The following PCDHA3 variants were observed in gnomAD, a reference collection of about 807,000 sequenced individuals.
PCDHA3 encodes the protein protocadherin alpha 3.
In PCDHA3, 41 loss-of-function variants were observed where a neutral mutation model predicts 62.2. The observed-to-expected ratio is 0.66, with a 90% CI of 0.51 to 0.86. PCDHA3 has a LOEUF of 0.86. Among genes scored for constraint, PCDHA3 ranks in the 40% least tolerant of loss-of-function variants. PCDHA3 has a pLI of 0.00. For synonymous variants in PCDHA3, 640 were observed against 555.4 expected (o/e 1.15, Z -2.14); for missense variants, 1,304 against 1,241.2 (o/e 1.05, Z -0.76).
intron 3 of PCDHA3, among the ~76,000 whole-genome samples, chr5:140,988,622 A>G (rs192744779): frequency 6.6e-6 from 1 of 152,242 alleles, no homozygotes; most frequent in East Asian, 1.9e-4. Flanking sequence ...TAGAATGGAG[A>G]TGTCCTGGTT....
intron 1 of PCDHA3, chr5:140,848,493 G>A (rs2150411274): frequency 7.0e-6 from 11 of 1,576,596 alleles, no homozygotes; most frequent in Middle Eastern, 3.4e-4. Context: ...CTGAGTATTT[G>A]AAATGTTATA....
Position 140,924,886 on chromosome 5 carries a change from A to C in PCDHA3, c.2395-54063A>C, listed in dbSNP as rs190850675. ...CTCCAGCCTGGGTGACAGAGCAAGAACCTGTCTCAAAAAAAAAAATAAAAT... is the reference window on the plus strand; with the variant it reads ...CTCCAGCCTGGGTGACAGAGCAAGACCCTGTCTCAAAAAAAAAAATAAAAT... On this transcript the variant is annotated intron_variant, in intron 1 of 3. Transcript: ENST00000522353. Among the ~76,000 whole-genome samples, 1,191 of 137,252 alleles carry C rather than the reference A, an allele frequency of 8.7e-3. 7 individuals carry two copies. Among genetic ancestry groups the C allele is most frequent in the African/African-American group, 0.022 (767 of 35,510 alleles). The allele number at this position is 137,252 out of a possible 152,430, so 90.0% of individuals were successfully genotyped here.
At chr5:140,812,965 A>G (rs2126642946) in intron 1 of PCDHA3, 15 of 152,128 alleles carry the variant, frequency 9.9e-5, no homozygotes, top group Non-Finnish European at 2.2e-4. Context: ...TAATTCCAGT[A>G]TTGATTTCTA....
intron 1 of PCDHA3, among the ~76,000 whole-genome samples, chr5:140,944,351 C>A (rs530648518): frequency 6.6e-6 from 1 of 152,198 alleles, no homozygotes; most frequent in South Asian, 2.1e-4. Context: ...CCACACCTGG[C>A]TAATTTTTAA....
intron 1 of PCDHA3, among the ~76,000 whole-genome samples, chr5:140,886,716 C>T (rs1160663504): frequency 1.3e-5 from 2 of 151,034 alleles, no homozygotes; most frequent in Non-Finnish European, 2.9e-5. Flanking sequence ...ATCCCAGCTA[C>T]TTGGGAGGCT....
At chr5:140,842,917 G>A in intron 1 of PCDHA3, 1 of 1,594,694 alleles carries the variant, frequency 6.3e-7, no homozygotes, top group Non-Finnish European at 8.6e-7. Flanking sequence ...AGCTGCTGCA[G>A]TTCCAGGTGA....
At chr5:140,977,703 A>G (rs1407162368) in intron 1 of PCDHA3, among the ~76,000 whole-genome samples, 1 of 152,192 alleles carries the variant, frequency 6.6e-6, no homozygotes, top group Non-Finnish European at 1.5e-5. Context: ...ATCTGTCTGA[A>G]TATTGAGATG....
intron 1 of PCDHA3, among the ~76,000 whole-genome samples, chr5:140,947,079 C>T (rs2094082344): frequency 6.6e-6 from 1 of 151,398 alleles, no homozygotes; most frequent in Non-Finnish European, 1.5e-5. Context: ...TGTATTGAAA[C>T]ATCAGACTGT....
intron 1 of PCDHA3, chr5:140,808,096 T>C (rs1164204608): frequency 2.5e-6 from 4 of 1,613,848 alleles, no homozygotes; most frequent in Non-Finnish European, 3.4e-6. Flanking sequence ...GACAAATTAT[T>C]GTAAAGGGAT....
chr5:140,856,170 G>T, intron 1 of PCDHA3: 1 of 1,598,322 alleles, frequency 6.3e-7, no homozygotes, highest in Non-Finnish European at 8.6e-7. Context: ...GCCAGACACG[G>T]CACCTTCGTG....
At chr5:140,803,831 A>G in intron 1 of PCDHA3, 1 of 627,576 alleles carries the variant, frequency 1.6e-6, no homozygotes. Flanking sequence ...GTGCAGTAGT[A>G]GAATTATTTT....
chr5:140,828,445 T>G (rs1769755224), intron 1 of PCDHA3: 1 of 1,614,218 alleles, frequency 6.2e-7, no homozygotes, highest in Non-Finnish European at 8.5e-7. Context: ...AGGTTTTCCA[T>G]GTGGACGTGG....
At chr5:140,946,165 G>A (rs1554217364) in intron 1 of PCDHA3, among the ~76,000 whole-genome samples, 5 of 151,838 alleles carry the variant, frequency 3.3e-5, no homozygotes, top group African/African-American at 1.2e-4. Flanking sequence ...TTAAAAGATG[G>A]GTAAAGGATG....
intron 1 of PCDHA3, among the ~76,000 whole-genome samples, chr5:140,924,669 C>T (rs2081944464): frequency 6.6e-6 from 1 of 151,998 alleles, no homozygotes; most frequent in African/African-American, 2.4e-5. Flanking sequence ...CCGAGGCAGG[C>T]CAATCACTTG....
intron 1 of PCDHA3, among the ~76,000 whole-genome samples, chr5:140,920,983 T>C (rs1472212249): frequency 6.6e-6 from 1 of 152,106 alleles, no homozygotes; most frequent in Non-Finnish European, 1.5e-5. Context: ...AATATTGTAT[T>C]TGCTTATTTT....
chr5:140,859,385 G>C (rs1252027820), intron 1 of PCDHA3: 2 of 270,486 alleles, frequency 7.4e-6, no homozygotes, highest in African/African-American at 4.6e-5. Flanking sequence ...AGCTTCTCTA[G>C]TCATCTTAAA....
At chr5:140,986,480 T>A (rs781884269) in intron 3 of PCDHA3, among the ~76,000 whole-genome samples, 16 of 152,200 alleles carry the variant, frequency 1.1e-4, no homozygotes, top group Non-Finnish European at 1.5e-4. Flanking sequence ...GATCAGTTCC[T>A]AGGGCAATCC....
intron 1 of PCDHA3, among the ~76,000 whole-genome samples, chr5:140,855,367 A>C (rs1244767077): frequency 6.7e-6 from 1 of 150,034 alleles, no homozygotes; most frequent in African/African-American, 2.4e-5. Flanking sequence ...AGTGAGTAGG[A>C]TAATAGGAAT....
rs2150111740 is a variant in PCDHA3, at chr5:140,821,897, G to C, written c.2394+18306G>C. 13 of 1,614,240 alleles carry C rather than the reference G, an allele frequency of 8.1e-6. No individual in the cohort carries two copies. In the Admixed American group the frequency reaches 2.2e-4, roughly 27 times the overall value. On this transcript the variant is annotated intron_variant, in intron 1 of 3. Transcript: ENST00000522353. Reference sequence around the variant, plus strand: ...TCGATCCCGGAGGAAGCCAAACACGGAACCTTCGTTGGCCGCATCGCGCAG... The same window carrying C: ...TCGATCCCGGAGGAAGCCAAACACGCAACCTTCGTTGGCCGCATCGCGCAG...
Sources: allele counts gnomAD v4.1 joint callset (sites outside exome capture counted in the v4.1 genomes callset), GRCh38; gene constraint gnomAD v4.1.1; transcripts MANE v1.5; gene names NCBI Gene and HGNC (gene_info 2026-07-23, HGNC 2026-07-21).